TMEM233: variants seen among roughly 807,000 people sequenced by gnomAD.
TMEM233 encodes the protein dispanin subfamily B member 2.
In TMEM233, 6 loss-of-function variants were observed where a neutral mutation model predicts 11.2. The observed-to-expected ratio is 0.54, with a 90% CI of 0.29 to 1.06. TMEM233 has a LOEUF of 1.06. Ranked by LOEUF, TMEM233 falls within the 50% of genes least tolerant of loss-of-function variation. TMEM233 has a pLI of 0.08. For synonymous variants in TMEM233, 59 were observed against 55.8 expected (o/e 1.06, Z -0.26); for missense variants, 127 against 144.7 (o/e 0.88, Z 0.63).
chr12:119,624,194 T>TA (rs199789657), intron 1 of TMEM233, among the ~76,000 whole-genome samples: 6,277 of 147,302 alleles, frequency 0.043, 160 homozygotes, highest in East Asian at 0.062. Context: ...TACCAAAAAT[T>TA]AAAAAAAAAA....
chr12:119,600,250 C>T (rs1174896195), intron 1 of TMEM233, among the ~76,000 whole-genome samples: 13 of 139,592 alleles, frequency 9.3e-5, no homozygotes, highest in Non-Finnish European at 1.1e-4. Flanking sequence ...TAGAAGAAAA[C>T]TTCAAGAATA....
intron 2 of TMEM233, among the ~76,000 whole-genome samples, chr12:119,634,031 G>A (rs967699708): frequency 1.3e-5 from 2 of 152,332 alleles, no homozygotes; most frequent in South Asian, 4.1e-4. Context: ...CCAAACCTTG[G>A]CAAATATCCT....
rs955637121 is a variant in TMEM233 at position 119,620,439 on chromosome 12, G to A, written c.187-9297G>A. On this transcript the variant is annotated intron_variant, in intron 1 of 2. Transcript: ENST00000426426. ...ATTCACCAAAAGCAGAGGCTCAAACGTATGCAAAAATGTATGAATTAGAAT... is the reference window on the plus strand; with the variant it reads ...ATTCACCAAAAGCAGAGGCTCAAACATATGCAAAAATGTATGAATTAGAAT... Among the ~76,000 whole-genome samples the A allele has an allele frequency of 3.3e-5, 5 of 152,212 alleles. No homozygotes were observed. The South Asian group carries it at 8.3e-4, about 25-fold the overall frequency.
chr12:119,609,590 G>A (rs541055294), intron 1 of TMEM233, among the ~76,000 whole-genome samples: 1 of 152,314 alleles, frequency 6.6e-6, no homozygotes, highest in African/African-American at 2.4e-5. Flanking sequence ...AGCCTCAGAC[G>A]TGATGCCCTG....
At chr12:119,602,270 T>G (rs933412772) in intron 1 of TMEM233, among the ~76,000 whole-genome samples, 2 of 152,162 alleles carry the variant, frequency 1.3e-5, no homozygotes, top group African/African-American at 2.4e-5. Context: ...TCTGTGAACT[T>G]GGAAATAACA....
chr12:119,644,877 G>A (rs1436619642), downstream of TMEM233, among the ~76,000 whole-genome samples: 2 of 152,176 alleles, frequency 1.3e-5, no homozygotes, highest in Non-Finnish European at 2.9e-5. Flanking sequence ...CAGAAACTGG[G>A]CTGGTGGAAA....
At chr12:119,650,581 G>T in the TMEM233 span, among the ~76,000 whole-genome samples, 1 of 151,764 alleles carries the variant, frequency 6.6e-6, no homozygotes, top group Non-Finnish European at 1.5e-5. Context: ...TTTTACGGCC[G>T]ATTTGCATTA....
intron 2 of TMEM233, among the ~76,000 whole-genome samples, chr12:119,632,128 A>G (rs1593308428): frequency 6.6e-6 from 1 of 152,352 alleles, no homozygotes; most frequent in East Asian, 1.9e-4. Context: ...TTATAATAAT[A>G]GCAGCTGACA....
intron 1 of TMEM233, among the ~76,000 whole-genome samples, chr12:119,627,222 G>A (rs538246457): frequency 1.1e-4 from 17 of 152,328 alleles, no homozygotes; most frequent in South Asian, 2.1e-4. Context: ...AGGAGTGGGC[G>A]AACTTCTTTG....
Position 119,640,857 on chromosome 12 carries a change from A to T in TMEM233, c.*152A>T. On this transcript the variant is annotated 3_prime_UTR_variant, in exon 3 of 3. Coordinates refer to ENST00000426426, the MANE Select transcript of TMEM233 (RefSeq NM_001136534.3). ...GGCAGGTCCCTGGCAAATGAACAAGAAAAAAAAAAAAAAAAAGTCCAAAAT... is the reference window on the plus strand; with the variant it reads ...GGCAGGTCCCTGGCAAATGAACAAGTAAAAAAAAAAAAAAAAGTCCAAAAT... 9.6e-6 allele frequency: 4 copies of T among 415,106 alleles called. No individual in the cohort carries two copies. Among genetic ancestry groups the T allele is most frequent in the Non-Finnish European group, 9.8e-6 (3 of 306,782 alleles). The allele number at this position is 415,106 out of a possible 1,614,324, so 25.7% of individuals were successfully genotyped here.
In TMEM233 at chr12:119,629,811, G is replaced by A. The variant is rs745431029; in HGVS notation, c.262G>A (p.Ala88Thr). ...LGRNAKWVAI[A>T]SIIIGLLIIG... ...GCGGAATGCTAAGTGGGTAGCCATC[G>A]CCTCCATCATCATTGGCCTTCTCAT... Residue 88 changes from alanine (A) to threonine (T), a missense_variant, in exon 2 of 3, where the codon GCC becomes ACC. Transcript: ENST00000426426. 128 of 1,551,676 alleles carry A rather than the reference G, an allele frequency of 8.2e-5. 1 individual carries two copies. The highest frequency in any genetic ancestry group is 2.9e-4 in the South Asian group (24 of 84,058).
chr12:119,632,929 G>A (rs752876390), intron 2 of TMEM233, among the ~76,000 whole-genome samples: 81 of 152,170 alleles, frequency 5.3e-4, no homozygotes, highest in Non-Finnish European at 1.0e-3. Flanking sequence ...TCCAAGAAGT[G>A]TTGGAAGGGA....
At chr12:119,600,578 T>C (rs1954142962) in intron 1 of TMEM233, among the ~76,000 whole-genome samples, 1 of 152,256 alleles carries the variant, frequency 6.6e-6, no homozygotes, top group African/African-American at 2.4e-5. Flanking sequence ...AAATGTGTTA[T>C]ATACATGAAA....
intron 2 of TMEM233, chr12:119,631,384 T>C (rs1301174273): frequency 4.6e-6 from 2 of 436,410 alleles, no homozygotes; most frequent in Non-Finnish European, 6.1e-6. Flanking sequence ...TAGATCCACT[T>C]CCTATCAGAG....
At chr12:119,651,386 A>C in the TMEM233 span, among the ~76,000 whole-genome samples, 6 of 152,182 alleles carry the variant, frequency 3.9e-5, no homozygotes, top group Non-Finnish European at 7.3e-5. Context: ...CTTCAGACAA[A>C]AGCCCCACTG....
intron 2 of TMEM233, among the ~76,000 whole-genome samples, chr12:119,634,066 C>T (rs750847452): frequency 2.6e-5 from 4 of 152,172 alleles, no homozygotes; most frequent in Non-Finnish European, 4.4e-5. Context: ...CAAGGAAGAA[C>T]GTGCGAATGG....
chr12:119,641,916 A>G lies in TMEM233; in HGVS notation c.*1211A>G, dbSNP rs1365133552. The G allele has an allele frequency of 6.6e-6, 1 of 152,186 alleles. No individual in the cohort carries two copies. Among genetic ancestry groups the G allele is most frequent in the East Asian group, 1.9e-4 (1 of 5,194 alleles). 9.4% of individuals were successfully genotyped at this position (152,186 alleles called of 1,614,324 possible). On this transcript the variant is annotated 3_prime_UTR_variant, in exon 3 of 3. Coordinates refer to ENST00000426426, the MANE Select transcript of TMEM233 (RefSeq NM_001136534.3). ...TTAGCAAAGAAAGAGCAGGCCTCAG[A>G]GTCTTCTGTCTAGATAGAATTTAAT... is the stretch of plus-strand genomic sequence containing the variant.
At chr12:119,618,536 G>A (rs1954580716) in intron 1 of TMEM233, among the ~76,000 whole-genome samples, 1 of 152,252 alleles carries the variant, frequency 6.6e-6, no homozygotes, top group African/African-American at 2.4e-5. Flanking sequence ...GGGTGGAGTT[G>A]TCCAAGGCCA....
chr12:119,629,727 G>C lies in TMEM233; in HGVS notation c.187-9G>C. On this transcript the variant is annotated splice_polypyrimidine_tract_variant and intron_variant, in intron 1 of 2. Coordinates refer to ENST00000426426, the MANE Select transcript of TMEM233 (RefSeq NM_001136534.3). ...CTGTCATCACCAGCTCTTCCCTTCT[G>C]TCCCCCAGTCTCTGAACAGCTACAA... 1.3e-6 allele frequency: 2 copies of C among 1,548,480 alleles called. No homozygotes were observed. Among genetic ancestry groups the C allele is most frequent in the African/African-American group, 2.7e-5 (2 of 72,992 alleles).
Sources: gnomAD v4.1 joint callset for allele counts (sites outside exome capture counted in the v4.1 genomes callset) on GRCh38, gnomAD v4.1.1 for gene constraint, MANE v1.5 for transcripts, NCBI Gene and HGNC (gene_info 2026-07-23, HGNC 2026-07-21) for gene names.